The following ARFGEF1 variants were observed in gnomAD, a reference collection of about 807,000 sequenced individuals.
The protein encoded by ARFGEF1 is brefeldin A-inhibited guanine nucleotide-exchange protein 1.
A neutral mutation model predicts 231.0 loss-of-function variants in ARFGEF1; 42 were observed. The observed-to-expected ratio is 0.18, with a 90% confidence interval of 0.14 to 0.24. The LOEUF is 0.24. Ranked by LOEUF, ARFGEF1 falls within the 10% of genes least tolerant of loss-of-function variation. The pLI, the probability that ARFGEF1 is intolerant of heterozygous loss-of-function variation, is 1.00. For missense variants in ARFGEF1, 1,345 were observed against 2,192.0 expected, an observed-to-expected ratio of 0.61 and a Z score of 7.72; for synonymous variants, 710 against 732.3, an observed-to-expected ratio of 0.97 and a Z score of 0.49.
chr8:67,301,308 T>G lies in ARFGEF1; in HGVS notation c.228A>C (p.Glu76Asp), dbSNP rs143012582. ...CAAAAGGCAAGAAGTACTTGTCTGC[T>G]TCAATAAAATTTGTCTTTGATTTCA... ...PPVKSKTNFIEADKYFLPFEL... is the reference protein window; with the variant it reads ...PPVKSKTNFIDADKYFLPFEL... Residue 76 changes from glutamate to aspartate, a missense_variant, in exon 3 of 39, where the codon GAA becomes GAC. Physicochemically the swap from Glu to Asp is conservative, Grantham distance 45. Coordinates refer to ENST00000262215, the MANE Select transcript of ARFGEF1 (RefSeq NM_006421.5). The G allele has an allele frequency of 2.5e-5, 40 of 1,614,170 alleles. No homozygotes were observed. The highest frequency in any genetic ancestry group is 3.3e-5 in the Non-Finnish European group (39 of 1,180,028).
intron 29 of ARFGEF1, among the ~76,000 whole-genome samples, chr8:67,224,307 T>C (rs1839299640): frequency 6.6e-6 from 1 of 152,168 alleles, no homozygotes; most frequent in Non-Finnish European, 1.5e-5. Context: ...AAAAAACTAC[T>C]ATGGGAATCA....
chr8:67,316,455 T>C (rs917242918), intron 1 of ARFGEF1, among the ~76,000 whole-genome samples: 1 of 151,942 alleles, frequency 6.6e-6, no homozygotes, highest in Non-Finnish European at 1.5e-5. Flanking sequence ...AAAACTGGAC[T>C]GTTGTATAAT....
chr8:67,277,200 A>T, intron 8 of ARFGEF1, 82 bp downstream of exon 8: 1 of 1,376,180 alleles, frequency 7.3e-7, no homozygotes, highest in Non-Finnish European at 1.0e-6. Context: ...ATCAGCTGAA[A>T]ATACTCATGA....
intron 13 of ARFGEF1, 96 bp downstream of exon 13, chr8:67,266,780 T>C: frequency 1.2e-6 from 1 of 810,646 alleles, no homozygotes; most frequent in Non-Finnish European, 1.9e-6. Flanking sequence ...AATGAATAAA[T>C]ATGTCATGAA....
intron 23 of ARFGEF1, among the ~76,000 whole-genome samples, chr8:67,229,876 T>C (rs1046170320): frequency 1.3e-5 from 2 of 151,556 alleles, no homozygotes; most frequent in Non-Finnish European, 2.9e-5. Context: ...AGAAAGCAAA[T>C]GGCAAACAGT....
chr8:67,277,497 C>A, intron 7 of ARFGEF1, 40 bp from the exon 8 acceptor site: 1 of 1,570,128 alleles, frequency 6.4e-7, no homozygotes, highest in Non-Finnish European at 8.7e-7. Context: ...ATATATCTGA[C>A]TTAACCGAAG....
intron 1 of ARFGEF1, among the ~76,000 whole-genome samples, chr8:67,316,036 G>C (rs1587300240): frequency 6.6e-6 from 1 of 152,088 alleles, no homozygotes; most frequent in Admixed American, 6.6e-5. Context: ...TTAAAAAGCT[G>C]ATTGTTTGAT....
chr8:67,321,056 G>T (rs940206309), intron 1 of ARFGEF1, among the ~76,000 whole-genome samples: 1 of 151,452 alleles, frequency 6.6e-6, no homozygotes, highest in African/African-American at 2.4e-5. Flanking sequence ...AGTCTCAAAA[G>T]CCTCCATTCT....
At chr8:67,280,922 AG>A (rs1805507759) in intron 7 of ARFGEF1, among the ~76,000 whole-genome samples, 2 of 152,318 alleles carry the variant, frequency 1.3e-5, no homozygotes, top group South Asian at 4.1e-4. Flanking sequence ...CAGCAATCTG[AG>A]CAAATGGGGA....
intron 34 of ARFGEF1, among the ~76,000 whole-genome samples, chr8:67,208,971 C>T (rs898462873): frequency 2.0e-5 from 3 of 152,198 alleles, no homozygotes; most frequent in African/African-American, 4.8e-5. Flanking sequence ...TGTGGAAAAA[C>T]TGGAATTGCT....
Position 67,246,101 on chromosome 8 carries a change from C to T in ARFGEF1, c.2850+5198G>A, listed in dbSNP as rs1045316294. ...ATATAGATATGCACACCCAGCACTG[C>T]ACCCAAATATATAAAGCAAATATTA... On this transcript the variant is annotated intron_variant, in intron 19 of 38. Transcript: ENST00000262215. Among the ~76,000 whole-genome samples, 60 of 150,168 alleles carry T rather than the reference C, an allele frequency of 4.0e-4. 2 individuals carry two copies. Among genetic ancestry groups the T allele is most frequent in the African/African-American group, 9.7e-4 (39 of 40,246 alleles).
intron 1 of ARFGEF1, among the ~76,000 whole-genome samples, chr8:67,314,982 G>A (rs548602784): frequency 6.6e-6 from 1 of 152,202 alleles, no homozygotes; most frequent in South Asian, 2.1e-4. Flanking sequence ...TCACACCACT[G>A]CACTCCAACC....
At chr8:67,314,425 A>C (rs1172456860) in intron 1 of ARFGEF1, among the ~76,000 whole-genome samples, 2 of 152,198 alleles carry the variant, frequency 1.3e-5, no homozygotes, top group Non-Finnish European at 2.9e-5. Flanking sequence ...TTGGGGACCC[A>C]GCAAGCTCCC....
intron 22 of ARFGEF1, among the ~76,000 whole-genome samples, chr8:67,234,484 A>G (rs1031158346): frequency 1.3e-5 from 2 of 152,174 alleles, no homozygotes; most frequent in African/African-American, 4.8e-5. Context: ...AAAGAAAAGC[A>G]ATTGAGACAG....
chr8:67,198,318 G>T lies in ARFGEF1; in HGVS notation c.*616C>A. Reference sequence around the variant, plus strand: ...TTTGACAAAATATTATGGGTATTTAGCAAATGAATAAGAAAATAAAGAAAA... The same window carrying T: ...TTTGACAAAATATTATGGGTATTTATCAAATGAATAAGAAAATAAAGAAAA... On this transcript the variant is annotated 3_prime_UTR_variant, in exon 39 of 39. Transcript: ENST00000262215. 8 of 983,774 alleles carry T rather than the reference G, an allele frequency of 8.1e-6. No individual in the cohort carries two copies. Among genetic ancestry groups the T allele is most frequent in the Non-Finnish European group, 9.7e-6 (8 of 828,120 alleles). The allele number at this position is 983,774 out of a possible 1,614,324, so 60.9% of individuals were successfully genotyped here. A position where few individuals can be genotyped will look rare whatever the true frequency, so the allele number is the denominator to read the frequency against.
At chr8:67,229,205 A>G (rs1034309715) in intron 23 of ARFGEF1, among the ~76,000 whole-genome samples, 2 of 152,086 alleles carry the variant, frequency 1.3e-5, no homozygotes, top group Non-Finnish European at 2.9e-5. Context: ...AGGCACAAAG[A>G]TATTTAATAA....
At chr8:67,190,590 A>C in intron 5 of ARFGEF1, 1 of 1,258,278 alleles carries the variant, frequency 7.9e-7, no homozygotes, top group Non-Finnish European at 1.2e-6. Context: ...CTCTTGGTTT[A>C]GCTCTGGGTA....
At chr8:67,265,641 T>C (rs910196249) in intron 14 of ARFGEF1, among the ~76,000 whole-genome samples, 2 of 152,122 alleles carry the variant, frequency 1.3e-5, no homozygotes, top group Admixed American at 6.6e-5. Context: ...GTAAGACCTA[T>C]AAAGGAGTAC....
At chr8:67,324,216 C>A (rs749235182) in intron 1 of ARFGEF1, among the ~76,000 whole-genome samples, 7 of 152,200 alleles carry the variant, frequency 4.6e-5, no homozygotes, top group Non-Finnish European at 1.0e-4. Flanking sequence ...GGCGCTTGAA[C>A]ATGGGAGGCA....
Sources: allele counts gnomAD v4.1 joint callset (sites outside exome capture counted in the v4.1 genomes callset), GRCh38; gene constraint gnomAD v4.1.1; transcripts MANE v1.5; gene names NCBI Gene and HGNC (gene_info 2026-07-23, HGNC 2026-07-21).